The following FHIP2A variants were observed in gnomAD, a reference collection of about 807,000 sequenced individuals.
The protein encoded by FHIP2A is FHF complex subunit HOOK interacting protein 2A.
A neutral mutation model predicts 93.5 loss-of-function variants in FHIP2A; 46 were observed. That is an observed-to-expected ratio of 0.49 (90% CI 0.39 to 0.63). The LOEUF is 0.63. FHIP2A is among the 20% of genes least tolerant of loss of function. The probability of loss-of-function intolerance (pLI) is 0.00; values close to 1 mark genes in which losing one functional copy is unlikely to be tolerated. For missense variants in FHIP2A, 769 were observed against 909.7 expected (o/e 0.85, Z 1.99); for synonymous variants, 332 against 326.5 (o/e 1.02, Z -0.18).
chr10:114,836,445 A>G (rs1294290791), intron 5 of FHIP2A, among the ~76,000 whole-genome samples, 199 bp downstream of exon 5: 3 of 152,196 alleles, frequency 2.0e-5, no homozygotes, highest in East Asian at 3.8e-4. Context: ...GTTGAGCCAG[A>G]TATATGAGGT....
At chr10:114,832,710 ATTTTTT>A (rs35892795) in intron 2 of FHIP2A, among the ~76,000 whole-genome samples, 1 of 125,242 alleles carries the variant, frequency 8.0e-6, no homozygotes. Flanking sequence ...TATATTTGAG[ATTTTTT>A]TTTTTTTTTT....
intron 16 of FHIP2A, among the ~76,000 whole-genome samples, chr10:114,875,240 G>A (rs1484214927): frequency 1.3e-5 from 2 of 152,176 alleles, no homozygotes; most frequent in Non-Finnish European, 2.9e-5. Flanking sequence ...CTGCAGACGG[G>A]TCTGATTTGG....
intron 16 of FHIP2A, among the ~76,000 whole-genome samples, chr10:114,872,845 C>G (rs2083866276): frequency 6.6e-6 from 1 of 152,210 alleles, no homozygotes; most frequent in African/African-American, 2.4e-5. Context: ...ATGATCAAAT[C>G]AACCTCCAAA....
chr10:114,882,874 CAAA>C (rs11295786), intron 16 of FHIP2A, among the ~76,000 whole-genome samples: 14 of 124,862 alleles, frequency 1.1e-4, no homozygotes, highest in Admixed American at 1.7e-4. Context: ...GACTCTGTCT[CAAA>C]AAAAAAAAAA....
Position 114,836,166 on chromosome 10 carries a change from G to T in FHIP2A, c.442G>T (p.Glu148Ter). 1.2e-6 allele frequency: 2 copies of T among 1,603,518 alleles called. No individual in the cohort carries two copies. The highest frequency in any genetic ancestry group is 1.7e-6 in the Non-Finnish European group (2 of 1,172,394). Residue 148 changes from glutamate to a stop codon, truncating the protein, a stop_gained, in exon 5 of 17, where the codon GAA becomes TAA. Coordinates refer to ENST00000369248, the MANE Select transcript of FHIP2A (RefSeq NM_020940.4). LOFTEE classifies it high-confidence loss of function. ...TGGTGAAGTCCTAGCAACACCAACA[G>T]AAAATGAAGAGATTCAGTTTCTTTG... ...LCGEVLATPT[E>*]NEEIQFLCIV... is the part of the protein sequence containing the mutation.
Position 114,846,625 on chromosome 10 carries a change from A to T in FHIP2A, c.1465A>T (p.Asn489Tyr), listed in dbSNP as rs771235570. 1 of 1,612,658 alleles carries T rather than the reference A, an allele frequency of 6.2e-7. No individual in the cohort carries two copies. Among genetic ancestry groups the T allele is most frequent in the Non-Finnish European group, 8.5e-7 (1 of 1,179,542 alleles). Residue 489 changes from asparagine (N) to tyrosine (Y), a missense_variant, in exon 11 of 17, where the codon AAC becomes TAC. By Grantham distance (143) the Asn-to-Tyr change is moderately radical. Transcript: ENST00000369248. ...LQKPNEHILYNLVLRNLEERN... is the reference protein window; with the variant it reads ...LQKPNEHILYYLVLRNLEERN... ...AAAACCCAATGAGCACATTCTTTACAACTTGGTCTTGAGAAATCTTGAAGA... is the reference window on the plus strand; with the variant it reads ...AAAACCCAATGAGCACATTCTTTACTACTTGGTCTTGAGAAATCTTGAAGA...
chr10:114,898,684 G>A (rs912954125), intron 16 of FHIP2A, among the ~76,000 whole-genome samples: 35 of 151,904 alleles, frequency 2.3e-4, no homozygotes, highest in South Asian at 1.9e-3. Flanking sequence ...ATTTTTTCTC[G>A]TTAAATTTCT....
chr10:114,891,572 T>TGTGTGTGTGC (rs764864142), intron 16 of FHIP2A, among the ~76,000 whole-genome samples: 7 of 143,822 alleles, frequency 4.9e-5, no homozygotes, highest in African/African-American at 1.6e-4. Flanking sequence ...TGTGTGTGTG[T>TGTGTGTGTGC]GCACGCGTAT....
At chr10:114,844,485 A>G (rs990767400) in intron 7 of FHIP2A, among the ~76,000 whole-genome samples, 2 of 152,190 alleles carry the variant, frequency 1.3e-5, no homozygotes, top group Non-Finnish European at 2.9e-5. Flanking sequence ...TTTTGACATA[A>G]TCACCTTTTA....
chr10:114,872,185 C>T (rs1455411170), intron 16 of FHIP2A, among the ~76,000 whole-genome samples: 1 of 152,172 alleles, frequency 6.6e-6, no homozygotes, highest in Non-Finnish European at 1.5e-5. Context: ...TGAGATCTGA[C>T]TCTAATTATA....
Position 114,861,497 on chromosome 10 carries a change from C to A in FHIP2A, c.2255C>A (p.Ala752Glu). The change falls in exon 17 of 17, where the codon GCG becomes GAG. Residue 752 changes from alanine (A) to glutamate (E), a missense_variant. Coordinates refer to ENST00000369248, the MANE Select transcript of FHIP2A (RefSeq NM_020940.4). Reference protein sequence around the residue: ...IVLEEFCKELAAIAFVKYHAS... With the variant: ...IVLEEFCKELEAIAFVKYHAS... The stretch of plus-strand genomic sequence containing the variant: ...TTAGAAGAGTTCTGTAAGGAGCTGG[C>A]GGCAATCGCATTTGTAAAATATCAT... 6.2e-7 allele frequency: 1 copy of A among 1,613,922 alleles called. No individual in the cohort carries two copies. Among genetic ancestry groups the A allele is most frequent in the South Asian group, 1.1e-5 (1 of 91,082 alleles).
downstream of FHIP2A, among the ~76,000 whole-genome samples, chr10:114,869,656 A>G (rs2083847458): frequency 6.6e-6 from 1 of 152,198 alleles, no homozygotes; most frequent in Non-Finnish European, 1.5e-5. Flanking sequence ...AAATGATCCA[A>G]TGTCATGCAG....
At chr10:114,894,924 A>G (rs906268083) in intron 16 of FHIP2A, among the ~76,000 whole-genome samples, 1 of 152,192 alleles carries the variant, frequency 6.6e-6, no homozygotes, top group African/African-American at 2.4e-5. Context: ...AAATAGTGTC[A>G]AGGTCCTAAT....
chr10:114,895,334 A>T (rs1264570276), intron 16 of FHIP2A, among the ~76,000 whole-genome samples: 1 of 152,182 alleles, frequency 6.6e-6, no homozygotes, highest in Non-Finnish European at 1.5e-5. Flanking sequence ...GAACCCTACC[A>T]ATTCCTACCA....
chr10:114,884,552 C>T (rs1043913162), intron 16 of FHIP2A, among the ~76,000 whole-genome samples: 1 of 152,176 alleles, frequency 6.6e-6, no homozygotes, highest in Non-Finnish European at 1.5e-5. Context: ...TCACTAAGAG[C>T]TTAATAAACG....
intron 16 of FHIP2A, among the ~76,000 whole-genome samples, chr10:114,880,342 G>C (rs998003091): frequency 2.6e-5 from 4 of 152,170 alleles, no homozygotes; most frequent in Non-Finnish European, 5.9e-5. Context: ...CACTTTAAAT[G>C]GGTGAATTGT....
At position 114,821,942 on chromosome 10, in the gene FHIP2A, G is replaced by A; in HGVS notation, c.-137G>A. The A allele has an allele frequency of 2.4e-6, 1 of 418,600 alleles. No homozygotes were observed. The highest frequency in any genetic ancestry group is 3.9e-6 in the Non-Finnish European group (1 of 257,404). The allele number at this position is 418,600 out of a possible 1,614,324, so 25.9% of individuals were successfully genotyped here. A position where few individuals can be genotyped will look rare whatever the true frequency, so the allele number is the denominator to read the frequency against. ...AAGCGGCCGGGCCAGGCCCTGCCTC[G>A]ATCCTCAGCTCGTCCTCCCCGCCCC... is the stretch of plus-strand genomic sequence containing the variant. On this transcript the variant is annotated 5_prime_UTR_variant, in exon 1 of 17. Coordinates refer to ENST00000369248, the MANE Select transcript of FHIP2A (RefSeq NM_020940.4).
At chr10:114,823,825 A>AATACTTGGGAACACTTAATGAG (rs1487017954) in intron 1 of FHIP2A, among the ~76,000 whole-genome samples, 1 of 152,014 alleles carries the variant, frequency 6.6e-6, no homozygotes, top group Non-Finnish European at 1.5e-5. Context: ...GAATATATGA[A>AATACTTGGGAACACTTAATGAG]ATACTTGGGA....
At chr10:114,898,512 A>T (rs915942844) in intron 16 of FHIP2A, among the ~76,000 whole-genome samples, 1 of 151,698 alleles carries the variant, frequency 6.6e-6, no homozygotes, top group Admixed American at 6.6e-5. Context: ...CAACAGGCAC[A>T]CTCCTACCTG....
Sources: allele counts gnomAD v4.1 joint callset (sites outside exome capture counted in the v4.1 genomes callset), GRCh38; gene constraint gnomAD v4.1.1; transcripts MANE v1.5; gene names NCBI Gene and HGNC (gene_info 2026-07-23, HGNC 2026-07-21).